The following FSTL5 variants were observed in gnomAD, a reference collection of about 807,000 sequenced individuals.
FSTL5 encodes the protein follistatin-related protein 5.
In FSTL5, 62 loss-of-function variants were observed where a neutral mutation model predicts 89.1. That is an observed-to-expected ratio of 0.70 (90% CI 0.57 to 0.86). The LOEUF (loss-of-function observed/expected upper bound fraction) is 0.86. Ranked by LOEUF, FSTL5 falls within the 40% of genes least tolerant of loss-of-function variation. The pLI is 0.00. For synonymous variants in FSTL5, 383 were observed against 346.2 expected, an observed-to-expected ratio of 1.11 and a Z score of -1.18; for missense variants, 1,057 against 1,001.6, an observed-to-expected ratio of 1.06 and a Z score of -0.75.
chr4:162,100,714 C>T (rs566127942), intron 2 of FSTL5, among the ~76,000 whole-genome samples: 353 of 152,044 alleles, frequency 2.3e-3, no homozygotes, highest in African/African-American at 8.0e-3. Context: ...TATAAATGTA[C>T]CACTCTGATA....
chr4:161,533,932 C>T (rs530941336), intron 10 of FSTL5, among the ~76,000 whole-genome samples: 3 of 151,942 alleles, frequency 2.0e-5, no homozygotes, highest in African/African-American at 7.2e-5. Flanking sequence ...TCAACATATG[C>T]AAATCAACAA....
chr4:161,479,218 G>A (rs573778339), intron 13 of FSTL5, among the ~76,000 whole-genome samples: 3 of 152,064 alleles, frequency 2.0e-5, no homozygotes, highest in Admixed American at 2.0e-4. Context: ...AGTCTTTTAA[G>A]TTCCCTTAGT....
At position 161,705,671 on chromosome 4, in the gene FSTL5, G is replaced by T. The variant is rs549617332; in HGVS notation, c.728-49177C>A. On this transcript the variant is annotated intron_variant, in intron 6 of 15. Transcript: ENST00000306100. ...AATTCTTCTTTCTTAATTTCAGTTT[G>T]CTCACCTAAAAATTATTAAGATAAT... Among the ~76,000 whole-genome samples, 25 of 151,466 alleles carry T rather than the reference G, an allele frequency of 1.7e-4. No individual in the cohort carries two copies. The East Asian group carries it at 4.5e-3, about 27-fold the overall frequency.
At chr4:162,060,794 A>G (rs79561091) in intron 2 of FSTL5, among the ~76,000 whole-genome samples, 5 of 152,056 alleles carry the variant, frequency 3.3e-5, no homozygotes, top group Non-Finnish European at 5.9e-5. Context: ...AAATTTATTT[A>G]AAAATATTTT....
At chr4:161,549,237 T>C (rs1434168152) in intron 8 of FSTL5, among the ~76,000 whole-genome samples, 1 of 151,796 alleles carries the variant, frequency 6.6e-6, no homozygotes, top group African/African-American at 2.4e-5. Context: ...TCAAACATTT[T>C]TGAGTCTTTG....
At chr4:162,055,766 TAGAC>T (rs1396561105) in intron 2 of FSTL5, among the ~76,000 whole-genome samples, 6 of 151,970 alleles carry the variant, frequency 3.9e-5, no homozygotes, top group African/African-American at 7.2e-5. Flanking sequence ...AATAGGCAGA[TAGAC>T]AGATTGCTAA....
intron 6 of FSTL5, among the ~76,000 whole-genome samples, chr4:161,710,197 G>T (rs1738731009): frequency 6.6e-6 from 1 of 152,046 alleles, no homozygotes. Context: ...CAAACTCCTG[G>T]TCTTAAGCCA....
At chr4:162,008,428 G>A (rs1321427152) in intron 3 of FSTL5, among the ~76,000 whole-genome samples, 1 of 151,784 alleles carries the variant, frequency 6.6e-6, no homozygotes, top group Non-Finnish European at 1.5e-5. Context: ...ATCTAATGTT[G>A]ATAAGAAATA....
chr4:161,637,415 C>T (rs1264427464), intron 7 of FSTL5, among the ~76,000 whole-genome samples: 4 of 143,024 alleles, frequency 2.8e-5, no homozygotes, highest in Middle Eastern at 3.6e-3. Flanking sequence ...TTGTAGGTTG[C>T]CTGTTCACTC....
intron 4 of FSTL5, among the ~76,000 whole-genome samples, chr4:161,866,374 T>C (rs993270787): frequency 6.6e-6 from 1 of 152,156 alleles, no homozygotes; most frequent in East Asian, 1.9e-4. Context: ...AGAACTTGTA[T>C]GCCTGCTGAG....
intron 3 of FSTL5, among the ~76,000 whole-genome samples, chr4:161,942,144 AG>A (rs1164043944): frequency 6.6e-6 from 1 of 151,940 alleles, no homozygotes; most frequent in Non-Finnish European, 1.5e-5. Context: ...GAGAAGACTA[AG>A]AACTCATAGC....
Position 161,533,763 on chromosome 4 carries a change from CACA to C in FSTL5, c.1312+4400_1312+4402del, listed in dbSNP as rs199986541. ...TCCTGATACCAAAATCTTGCAGAGT[CACA>C]ACAACAACAACAAAAAAGAAAACTT... On this transcript the variant is annotated intron_variant, in intron 10 of 15. Coordinates refer to ENST00000306100, the MANE Select transcript of FSTL5 (RefSeq NM_020116.5). Among the ~76,000 whole-genome samples, 528 of 151,872 alleles carry C rather than the reference CACA, an allele frequency of 3.5e-3. 10 individuals carry two copies. The highest frequency in any genetic ancestry group is 0.027 in the Admixed American group (414 of 15,238).
intron 8 of FSTL5, among the ~76,000 whole-genome samples, chr4:161,550,590 TTTA>T (rs1732171331): frequency 2.0e-5 from 3 of 147,332 alleles, no homozygotes; most frequent in African/African-American, 7.5e-5. Flanking sequence ...TATTTATTTA[TTTA>T]TTATTATACT....
intron 7 of FSTL5, among the ~76,000 whole-genome samples, chr4:161,653,726 A>G (rs1203425570): frequency 6.6e-6 from 1 of 152,198 alleles, no homozygotes; most frequent in East Asian, 1.9e-4. Flanking sequence ...CATTTGTCAC[A>G]TTACATAGTC....
intron 7 of FSTL5, among the ~76,000 whole-genome samples, chr4:161,646,311 T>C (rs1276820329): frequency 6.7e-6 from 1 of 150,198 alleles, no homozygotes; most frequent in Non-Finnish European, 1.5e-5. Flanking sequence ...ACTTTAACTT[T>C]ATACTTTTAA....
chr4:161,499,527 A>G (rs1470045886), intron 12 of FSTL5, among the ~76,000 whole-genome samples: 1 of 152,164 alleles, frequency 6.6e-6, no homozygotes, highest in Non-Finnish European at 1.5e-5. Context: ...ATTTGAAAAA[A>G]TTTGATATTT....
At chr4:162,153,827 C>T (rs866244513) in intron 1 of FSTL5, among the ~76,000 whole-genome samples, 76 of 143,132 alleles carry the variant, frequency 5.3e-4, no homozygotes, top group Middle Eastern at 3.7e-3. Flanking sequence ...TTATTTTAGA[C>T]GGACTTTCAC....
chr4:161,957,678 C>T (rs1213664245), intron 3 of FSTL5, among the ~76,000 whole-genome samples: 2 of 152,100 alleles, frequency 1.3e-5, no homozygotes, highest in Non-Finnish European at 2.9e-5. Flanking sequence ...TTAAGATAAA[C>T]ATTATGCAGA....
At chr4:161,977,626 A>T (rs1022772116) in intron 3 of FSTL5, among the ~76,000 whole-genome samples, 2,130 of 111,870 alleles carry the variant, frequency 0.019, 72 homozygotes, top group African/African-American at 0.054. Context: ...AAAAAAAAAA[A>T]AAAAAAAAAA....
Sources: allele counts gnomAD v4.1 joint callset (sites outside exome capture counted in the v4.1 genomes callset), GRCh38; gene constraint gnomAD v4.1.1; transcripts MANE v1.5; gene names NCBI Gene and HGNC (gene_info 2026-07-23, HGNC 2026-07-21).